CTNNA1: variants seen among roughly 807,000 people sequenced by gnomAD.
CTNNA1 encodes catenin alpha-1.
A neutral mutation model predicts 98.4 loss-of-function variants in CTNNA1; 37 were observed. The ratio of observed to expected loss-of-function variants is 0.38; its 90% CI spans 0.29 to 0.49. CTNNA1 has a LOEUF of 0.49. Ranked by LOEUF, CTNNA1 falls within the 20% of genes least tolerant of loss-of-function variation. The pLI, the probability that CTNNA1 is intolerant of heterozygous loss-of-function variation, is 0.95. For missense variants in CTNNA1, 761 were observed against 1,147.2 expected (o/e 0.66, Z 4.86); for synonymous variants, 404 against 413.2 (o/e 0.98, Z 0.27).
In CTNNA1 at chr5:138,932,219, C is replaced by T. The variant is rs540042203; in HGVS notation, c.2299-359C>T. ...CCTGCTTGCTGAGCCGGCTTGTTCT[C>T]ACCTCGAGGGGCATGGGCCTCCACC... is the stretch of plus-strand genomic sequence containing the variant. On this transcript the variant is annotated intron_variant, in intron 16 of 17. Coordinates refer to ENST00000302763, the MANE Select transcript of CTNNA1 (RefSeq NM_001903.5). 1.7e-3 allele frequency: 1,807 copies of T among 1,047,374 alleles called. 2 individuals are homozygous for T. The highest frequency in any genetic ancestry group is 2.0e-3 in the Non-Finnish European group (1,726 of 870,464). The allele number at this position is 1,047,374 out of a possible 1,614,324, so 64.9% of individuals were successfully genotyped here.
intron 3 of CTNNA1, among the ~76,000 whole-genome samples, chr5:138,789,145 G>A (rs1278242322): frequency 2.6e-5 from 4 of 151,728 alleles, no homozygotes; most frequent in East Asian, 1.9e-4. Context: ...TCCCTGAGGG[G>A]GAGATGGTAT....
chr5:138,801,919 G>T (rs1006333053), intron 3 of CTNNA1, among the ~76,000 whole-genome samples: 1 of 152,174 alleles, frequency 6.6e-6, no homozygotes, highest in African/African-American at 2.4e-5. Flanking sequence ...GAACTACTTA[G>T]TGAAGGCAAA....
intron 9 of CTNNA1, among the ~76,000 whole-genome samples, chr5:138,901,229 C>T (rs1163476670): frequency 6.6e-6 from 1 of 152,092 alleles, no homozygotes; most frequent in Non-Finnish European, 1.5e-5. Flanking sequence ...GCCATCTCAG[C>T]TCACTTCAAC....
chr5:138,769,286 C>T (rs762740323), intron 1 of CTNNA1, among the ~76,000 whole-genome samples: 2 of 152,140 alleles, frequency 1.3e-5, no homozygotes, highest in Non-Finnish European at 2.9e-5. Context: ...ATACCTCACT[C>T]TTCTCCCTGT....
chr5:138,900,328 C>T (rs1237729045), intron 9 of CTNNA1, among the ~76,000 whole-genome samples: 1 of 152,134 alleles, frequency 6.6e-6, no homozygotes, highest in Non-Finnish European at 1.5e-5. Context: ...TTAAAAGCTC[C>T]CTGTCCCACA....
intron 3 of CTNNA1, among the ~76,000 whole-genome samples, chr5:138,785,123 G>A (rs1246219596): frequency 6.7e-6 from 1 of 148,544 alleles, no homozygotes; most frequent in Admixed American, 6.7e-5. Context: ...GTGCAGTGGC[G>A]GGATCTCGGC....
At chr5:138,807,072 G>A (rs950948025) in intron 3 of CTNNA1, among the ~76,000 whole-genome samples, 13 of 149,320 alleles carry the variant, frequency 8.7e-5, no homozygotes, top group Non-Finnish European at 5.9e-5. Context: ...GTGCAGTGGC[G>A]CAATCTCGGC....
chr5:138,818,018 G>A (rs1759606977), intron 5 of CTNNA1, among the ~76,000 whole-genome samples: 3 of 151,848 alleles, frequency 2.0e-5, no homozygotes, highest in Non-Finnish European at 2.9e-5. Context: ...CCGTCCCTGC[G>A]CCCCCGCCCC....
At chr5:138,838,798 T>C (rs1203565301) in intron 7 of CTNNA1, among the ~76,000 whole-genome samples, 2 of 152,122 alleles carry the variant, frequency 1.3e-5, no homozygotes, top group African/African-American at 2.4e-5. Context: ...TGTTGTTGTT[T>C]GTTTGTTTGT....
chr5:138,912,283 G>GTCC (rs1760816629), intron 10 of CTNNA1, among the ~76,000 whole-genome samples: 2 of 152,114 alleles, frequency 1.3e-5, no homozygotes, highest in African/African-American at 2.4e-5. Flanking sequence ...GGAGTTTCTA[G>GTCC]GAAAAGATTA....
chr5:138,870,560 G>A lies in CTNNA1; in HGVS notation c.1063-15652G>A, dbSNP rs546093807. On this transcript the variant is annotated intron_variant, in intron 7 of 17. Transcript: ENST00000302763. ...GTACACTAAGGATTTTGCCAGTTAT[G>A]GTCCTTTAAGGATTAAGGTGGAGAT... The A allele has an allele frequency of 2.4e-4, 37 of 152,264 alleles. 1 individual carries two copies. The South Asian group carries it at 3.1e-3, about 13-fold the overall frequency. The allele number at this position is 152,264 out of a possible 1,614,324, so 9.4% of individuals were successfully genotyped here.
rs2149656284 is a variant in CTNNA1 at position 138,783,230 on chromosome 5, T to G, written c.159T>G (p.Gly53=). Residue 53 remains glycine, a synonymous_variant, in exon 3 of 18, where the codon GGT becomes GGG. Transcript: ENST00000302763. ...AAGGGCCCTCTAATAAGAAGAGAGGTCGTTCTAAGAAGGCCCATGTTTTGG... is the reference window on the plus strand; with the variant it reads ...AAGGGCCCTCTAATAAGAAGAGAGGGCGTTCTAAGAAGGCCCATGTTTTGG... The part of the protein sequence containing the change: ...NSKGPSNKKR[G]RSKKAHVLAA... 20 of 1,613,892 alleles carry G rather than the reference T, an allele frequency of 1.2e-5. No homozygotes were observed. The highest frequency in any genetic ancestry group is 1.6e-5 in the Non-Finnish European group (19 of 1,179,888).
chr5:138,860,987 A>G (rs1182583682), intron 7 of CTNNA1, among the ~76,000 whole-genome samples: 1 of 152,070 alleles, frequency 6.6e-6, no homozygotes, highest in Non-Finnish European at 1.5e-5. Context: ...TACAAGGGAA[A>G]ATAGAGAGGT....
intron 13 of CTNNA1, 91 bp downstream of exon 13, chr5:138,925,498 G>T: frequency 6.8e-7 from 1 of 1,480,116 alleles, no homozygotes; most frequent in Non-Finnish European, 9.1e-7. Context: ...CGGCAGATGC[G>T]GTGGCAGTAT....
At chr5:138,831,416 T>C (rs6596455) in intron 7 of CTNNA1, among the ~76,000 whole-genome samples, 112,766 of 152,098 alleles carry the variant, frequency 0.74, 42,066 homozygotes, top group East Asian at 0.99. Context: ...TAGTTTATTC[T>C]GTTTGTCCCT....
intron 9 of CTNNA1, among the ~76,000 whole-genome samples, chr5:138,897,849 T>G (rs1351511499): frequency 6.6e-6 from 1 of 152,224 alleles, no homozygotes; most frequent in East Asian, 1.9e-4. Flanking sequence ...GCAAAGGCAG[T>G]TGGATGAACC....
intron 9 of CTNNA1, among the ~76,000 whole-genome samples, chr5:138,897,638 T>C (rs181416544): frequency 6.6e-6 from 1 of 152,150 alleles, no homozygotes; most frequent in African/African-American, 2.4e-5. Flanking sequence ...TAGCTGTCCT[T>C]GGGGAGAATG....
Position 138,783,234 on chromosome 5 carries a change from T to G in CTNNA1, c.163T>G (p.Ser55Ala), listed in dbSNP as rs1755329623. 1.2e-6 allele frequency: 2 copies of G among 1,614,120 alleles called. No homozygotes were observed. The highest frequency in any genetic ancestry group is 1.7e-6 in the Non-Finnish European group (2 of 1,179,982). The part of the protein sequence containing the change: ...KGPSNKKRGR[S>A]KKAHVLAASV... ...GCCCTCTAATAAGAAGAGAGGTCGT[T>G]CTAAGAAGGCCCATGTTTTGGCTGC... is the stretch of plus-strand genomic sequence containing the variant. The change falls in exon 3 of 18, where the codon TCT becomes GCT. Residue 55 changes from serine to alanine, a missense_variant. Around this residue, in one of 6 missense-constraint regions of CTNNA1, gnomAD observed 328 missense variants for 354.3 expected, o/e 0.93. Transcript: ENST00000302763.
intron 7 of CTNNA1, among the ~76,000 whole-genome samples, chr5:138,863,515 G>A (rs1764472701): frequency 1.3e-5 from 2 of 152,122 alleles, no homozygotes; most frequent in Admixed American, 1.3e-4. Context: ...CAAAGTGCTG[G>A]GATTCCAGGT....
Sources: allele counts gnomAD v4.1 joint callset (sites outside exome capture counted in the v4.1 genomes callset), GRCh38; gene constraint gnomAD v4.1.1; regional missense constraint gnomAD v4.1.1; transcripts MANE v1.5; gene names NCBI Gene and HGNC (gene_info 2026-07-23, HGNC 2026-07-21).